The following HEMK1 variants were observed in gnomAD, a reference collection of about 807,000 sequenced individuals.
The protein encoded by HEMK1 is MTRF1L release factor glutamine methyltransferase.
HEMK1 carries 36 observed loss-of-function variants against 47.9 expected under a neutral mutation model. The observed-to-expected ratio is 0.75, with a 90% CI of 0.58 to 0.99. The LOEUF (loss-of-function observed/expected upper bound fraction) is 0.99. Ranked by LOEUF, HEMK1 falls within the 50% of genes least tolerant of loss-of-function variation. The pLI is 0.00. For missense variants in HEMK1, 383 were observed against 434.5 expected (o/e 0.88, Z 1.05); for synonymous variants, 153 against 165.4 (o/e 0.93, Z 0.57).
chr3:50,570,852 C>T (rs968022223), intron 1 of HEMK1, 79 bp from the exon 2 acceptor site: 1 of 403,412 alleles, frequency 2.5e-6, no homozygotes, highest in Non-Finnish European at 4.4e-6. Flanking sequence ...AAGAGCACAA[C>T]TATTCTCAGG....
intron 2 of HEMK1, 45 bp from the exon 3 acceptor site, chr3:50,571,665 C>A: frequency 6.4e-7 from 1 of 1,566,956 alleles, no homozygotes; most frequent in Non-Finnish European, 8.8e-7. Context: ...GGGTTGGGGG[C>A]CTTGGGCCCA....
rs2030864689 is a variant in HEMK1 at position 50,581,943 on chromosome 3, A to AG, written c.*1531dup. The AG allele has an allele frequency of 6.6e-6, 1 of 152,322 alleles. No homozygotes were observed. Among genetic ancestry groups the AG allele is most frequent in the Non-Finnish European group, 1.5e-5 (1 of 68,180 alleles). The allele number at this position is 152,322 out of a possible 1,614,324, so 9.4% of individuals were successfully genotyped here. On this transcript the variant is annotated 3_prime_UTR_variant, in exon 11 of 11. Transcript: ENST00000232854. ...GAAGGAACCTGGGTGGGGAGGGCGA[A>AG]GGGGGTGCACAACCAGGGCAAGGCT...
At chr3:50,574,935 G>T (rs2107446449) in intron 4 of HEMK1, among the ~76,000 whole-genome samples, 1 of 152,306 alleles carries the variant, frequency 6.6e-6, no homozygotes, top group African/African-American at 2.4e-5. Context: ...GAACATTGTT[G>T]CTGGGTTTGG....
At position 50,571,812 on chromosome 3, in the gene HEMK1, A is replaced by G. The variant is rs914063070; in HGVS notation, c.320+11A>G. The G allele has an allele frequency of 5.6e-6, 9 of 1,611,792 alleles. No homozygotes were observed. The highest frequency in any genetic ancestry group is 6.8e-6 in the Non-Finnish European group (8 of 1,177,994). ...CCGTCGATTGCAGAGGTGAGCACCC[A>G]TGGATCAGACCTGAAGGATGTGTTC... On this transcript the variant is annotated intron_variant, in intron 3 of 10. Coordinates refer to ENST00000232854, the MANE Select transcript of HEMK1 (RefSeq NM_016173.5).
At chr3:50,572,070 G>T (rs1307020680) in intron 3 of HEMK1, 45 bp from the exon 4 acceptor site, 8 of 1,612,432 alleles carry the variant, frequency 5.0e-6, no homozygotes, top group Non-Finnish European at 6.8e-6. Context: ...GGTCCTGTTG[G>T]TCCTAGCTCT....
Position 50,580,235 on chromosome 3 carries a change from A to G in HEMK1, c.980+6A>G. 1 of 1,613,004 alleles carries G rather than the reference A, an allele frequency of 6.2e-7. No homozygotes were observed. Among genetic ancestry groups the G allele is most frequent in the African/African-American group, 1.3e-5 (1 of 74,988 alleles). On this transcript the variant is annotated splice_donor_region_variant and intron_variant, in intron 10 of 10. Transcript: ENST00000232854. ...CGCAGGGACTTCTGTGGGAGGTAAG[A>G]TCCTAGCCCCCTTTAGCCCTGTAGC... is the stretch of plus-strand genomic sequence containing the variant.
rs2031246113 is a variant in HEMK1 at position 50,585,143 on chromosome 3, C to T, written c.*4726C>T. The T allele has an allele frequency of 6.6e-6, 1 of 152,302 alleles. No homozygotes were observed. Among genetic ancestry groups the T allele is most frequent in the Non-Finnish European group, 1.5e-5 (1 of 68,118 alleles). The allele number at this position is 152,302 out of a possible 1,614,324, so 9.4% of individuals were successfully genotyped here. A position where few individuals can be genotyped will look rare whatever the true frequency, so the allele number is the denominator to read the frequency against. ...GGGGAGAAAGTGCAAGGCTGGCCTC[C>T]ATGGCCCATCTCCAGAGACTGGGTC... On this transcript the variant is annotated 3_prime_UTR_variant, in exon 11 of 11. Coordinates refer to ENST00000232854, the MANE Select transcript of HEMK1 (RefSeq NM_016173.5).
rs1366813771 is a variant in HEMK1 at position 50,585,697 on chromosome 3, G to C, written c.*5280G>C. 5 of 152,378 alleles carry C rather than the reference G, an allele frequency of 3.3e-5. No homozygotes were observed. The East Asian group carries it at 9.6e-4, about 29-fold the overall frequency. 9.4% of individuals were successfully genotyped at this position (152,378 alleles called of 1,614,324 possible). On this transcript the variant is annotated 3_prime_UTR_variant, in exon 11 of 11. Transcript: ENST00000232854. ...CATGGACACCTGGGTTCAAGGGTCA[G>C]CTTGGCCCCAAATCACCTGGATACG...
rs771722650 is a variant in HEMK1 at position 50,571,728 on chromosome 3, G to A, written c.247G>A (p.Ala83Thr). The change falls in exon 3 of 11, where the codon GCA becomes ACA. Residue 83 changes from alanine to threonine, a missense_variant. Coordinates refer to ENST00000232854, the MANE Select transcript of HEMK1 (RefSeq NM_016173.5). ...GAKTFQSLRP[A>T]LWTQPLTSQQ... ...GGGACAGTTTCAGAGCCTGAGGCCGGCACTTTGGACCCAGCCCTTGACCTC... is the reference window on the plus strand; with the variant it reads ...GGGACAGTTTCAGAGCCTGAGGCCGACACTTTGGACCCAGCCCTTGACCTC... 3 of 1,614,184 alleles carry A rather than the reference G, an allele frequency of 1.9e-6. No homozygotes were observed. The highest frequency in any genetic ancestry group is 1.1e-5 in the South Asian group (1 of 91,086).
At position 50,586,929 on chromosome 3, in the gene HEMK1, A is replaced by G. The variant is rs1490434262; in HGVS notation, c.*6512A>G. The G allele has an allele frequency of 6.7e-6, 1 of 150,106 alleles. No individual in the cohort carries two copies. Among genetic ancestry groups the G allele is most frequent in the Non-Finnish European group, 1.5e-5 (1 of 67,832 alleles). 9.3% of individuals were successfully genotyped at this position (150,106 alleles called of 1,614,324 possible). A position where few individuals can be genotyped will look rare whatever the true frequency, so the allele number is the denominator to read the frequency against. On this transcript the variant is annotated 3_prime_UTR_variant, in exon 11 of 11. Coordinates refer to ENST00000232854, the MANE Select transcript of HEMK1 (RefSeq NM_016173.5). ...CAAACTAGGACTACAGGTGTGAACA[A>G]CCCTGCCTGGCTAATTTTTAATTTT... is the stretch of plus-strand genomic sequence containing the variant.
In HEMK1 at chr3:50,583,831, C is replaced by G. The variant is rs1290050242; in HGVS notation, c.*3414C>G. The G allele has an allele frequency of 6.6e-6, 1 of 152,404 alleles. No individual in the cohort carries two copies. The highest frequency in any genetic ancestry group is 1.9e-4 in the East Asian group (1 of 5,196). 9.4% of individuals were successfully genotyped at this position (152,404 alleles called of 1,614,324 possible). The stretch of plus-strand genomic sequence containing the variant: ...CTGTGCTCTCCCTGCCTCCCCTAGC[C>G]CATACCTCTGCTGGCACCTTCTGTA... On this transcript the variant is annotated 3_prime_UTR_variant, in exon 11 of 11. Coordinates refer to ENST00000232854, the MANE Select transcript of HEMK1 (RefSeq NM_016173.5).
chr3:50,576,379 A>G (rs1701592297), intron 4 of HEMK1, among the ~76,000 whole-genome samples: 1 of 152,250 alleles, frequency 6.6e-6, no homozygotes, highest in Admixed American at 6.5e-5. Flanking sequence ...GAGGGAGTGG[A>G]CAGGAACTAT....
chr3:50,570,922 C>T lies in HEMK1; in HGVS notation c.-174-9C>T. The T allele has an allele frequency of 4.1e-6, 2 of 491,478 alleles. No homozygotes were observed. Among genetic ancestry groups the T allele is most frequent in the South Asian group, 6.6e-5 (2 of 30,236 alleles). 30.4% of individuals were successfully genotyped at this position (491,478 alleles called of 1,614,324 possible). On this transcript the variant is annotated splice_polypyrimidine_tract_variant and intron_variant, in intron 1 of 10. Transcript: ENST00000232854. The stretch of plus-strand genomic sequence containing the variant: ...GCTCACCTGCTTTCCTGGTTCCTCT[C>T]ACTCCCAGGGTGGCAACCAACTATA...
At position 50,578,879 on chromosome 3, in the gene HEMK1, C is replaced by G. The variant is rs776446237; in HGVS notation, c.723C>G (p.Pro241=). ...GPMDLIVSNP[P]YVFHQDMEQL... is the part of the protein sequence containing the mutation. The stretch of plus-strand genomic sequence containing the variant: ...TGGACCTGATTGTCAGCAACCCTCC[C>G]TACGTCTTCCACCAGGACATGGAGC... The change falls in exon 8 of 11, where the codon CCC becomes CCG. Residue 241 remains proline, a synonymous_variant. Transcript: ENST00000232854. The G allele has an allele frequency of 2.5e-6, 4 of 1,613,354 alleles. No homozygotes were observed. Among genetic ancestry groups the G allele is most frequent in the Non-Finnish European group, 3.4e-6 (4 of 1,179,716 alleles).
Position 50,577,048 on chromosome 3 carries a change from A to C in HEMK1, c.415-4A>C, listed in dbSNP as rs1201131103. ...ACTCTGATCCAGATCCCTCTGCTTCACAGGAACTGGTTGAGTGGGTGCTGG... is the reference window on the plus strand; with the variant it reads ...ACTCTGATCCAGATCCCTCTGCTTCCCAGGAACTGGTTGAGTGGGTGCTGG... On this transcript the variant is annotated splice_polypyrimidine_tract_variant and splice_region_variant and intron_variant, in intron 4 of 10. Coordinates refer to ENST00000232854, the MANE Select transcript of HEMK1 (RefSeq NM_016173.5). 6.2e-7 allele frequency: 1 copy of C among 1,613,860 alleles called. No individual in the cohort carries two copies. The highest frequency in any genetic ancestry group is 8.5e-7 in the Non-Finnish European group (1 of 1,179,896).
In HEMK1 at chr3:50,595,949, A is replaced by G. The variant is rs554794607; in HGVS notation, c.*15532A>G. On this transcript the variant is annotated 3_prime_UTR_variant, in exon 11 of 11. Coordinates refer to ENST00000232854, the MANE Select transcript of HEMK1 (RefSeq NM_016173.5). Reference sequence around the variant, plus strand: ...GCAGGTGCTCTAAAGGACTCTTAGAATTTCATTTTTAATGTTTAATATTTG... The same window carrying G: ...GCAGGTGCTCTAAAGGACTCTTAGAGTTTCATTTTTAATGTTTAATATTTG... 1.3e-5 allele frequency: 2 copies of G among 152,300 alleles called. No homozygotes were observed. Among genetic ancestry groups the G allele is most frequent in the East Asian group, 3.9e-4 (2 of 5,180 alleles). The allele number at this position is 152,300 out of a possible 1,614,324, so 9.4% of individuals were successfully genotyped here. A position where few individuals can be genotyped will look rare whatever the true frequency, so the allele number is the denominator to read the frequency against.
At position 50,591,662 on chromosome 3, in the gene HEMK1, A is replaced by ATGTGTGTGTGTGTG. The variant is rs2031726752; in HGVS notation, c.*11245_*11246insTGTGTGTGTGTGTG. On this transcript the variant is annotated 3_prime_UTR_variant, in exon 11 of 11. Transcript: ENST00000232854. ...AACCAAGCCAGGGTTGCATGCATGC[A>ATGTGTGTGTGTGTG]CGTGTGTGTGTGTGTGTGTGTGTGT... 2 of 22,068 alleles carry ATGTGTGTGTGTGTG rather than the reference A, an allele frequency of 9.1e-5. No individual in the cohort carries two copies. The highest frequency in any genetic ancestry group is 2.1e-4 in the Non-Finnish European group (2 of 9,508). The allele number at this position is 22,068 out of a possible 1,614,324, so 1.4% of individuals were successfully genotyped here. A position where few individuals can be genotyped will look rare whatever the true frequency, so the allele number is the denominator to read the frequency against.
At position 50,572,096 on chromosome 3, in the gene HEMK1, C is replaced by A. The variant is rs905133303; in HGVS notation, c.321-19C>A. ...TCCTAGCTCTGTCCCTGATGACCACCCAGCTGCCCCCTCTGCAGGATGCCG... is the reference window on the plus strand; with the variant it reads ...TCCTAGCTCTGTCCCTGATGACCACACAGCTGCCCCCTCTGCAGGATGCCG... On this transcript the variant is annotated intron_variant, in intron 3 of 10. Coordinates refer to ENST00000232854, the MANE Select transcript of HEMK1 (RefSeq NM_016173.5). 8.1e-6 allele frequency: 13 copies of A among 1,611,884 alleles called. No homozygotes were observed. Among genetic ancestry groups the A allele is most frequent in the Non-Finnish European group, 1.1e-5 (13 of 1,179,120 alleles).
chr3:50,589,271 CCTTGCAGTCT>C lies in HEMK1; in HGVS notation c.*8858_*8867del, dbSNP rs1196247710. On this transcript the variant is annotated 3_prime_UTR_variant, in exon 11 of 11. Coordinates refer to ENST00000232854, the MANE Select transcript of HEMK1 (RefSeq NM_016173.5). ...ATGCTAGCACTGTGTCTGAAGCCCA[CCTTGCAGTCT>C]CTTTGATTGACAGGGACAGCAAGAG... The C allele has an allele frequency of 3.9e-5, 6 of 152,228 alleles. No individual in the cohort carries two copies. Among genetic ancestry groups the C allele is most frequent in the Non-Finnish European group, 1.5e-5 (1 of 68,056 alleles). The allele number at this position is 152,228 out of a possible 1,614,324, so 9.4% of individuals were successfully genotyped here. A position where few individuals can be genotyped will look rare whatever the true frequency, so the allele number is the denominator to read the frequency against.
Sources: allele counts gnomAD v4.1 joint callset (sites outside exome capture counted in the v4.1 genomes callset), GRCh38; gene constraint gnomAD v4.1.1; transcripts MANE v1.5; gene names NCBI Gene and HGNC (gene_info 2026-07-23, HGNC 2026-07-21).